Variants in ADAMTS7 observed in about 807,000 individuals in gnomAD.
ADAMTS7 encodes the protein A disintegrin and metalloproteinase with thrombospondin motifs 7.
A neutral mutation model predicts 172.6 loss-of-function variants in ADAMTS7; 89 were observed. The observed-to-expected ratio is 0.52, with a 90% CI of 0.43 to 0.61. The LOEUF (loss-of-function observed/expected upper bound fraction) is 0.61, where lower values mean the gene tolerates loss of function less well. Ranked by LOEUF, ADAMTS7 falls within the 20% of genes least tolerant of loss-of-function variation. The probability of loss-of-function intolerance (pLI) is 0.00; values close to 1 mark genes in which losing one functional copy is unlikely to be tolerated. For missense variants in ADAMTS7, 1,973 were observed against 2,355.6 expected (o/e 0.84, Z 3.36); for synonymous variants, 885 against 978.4 (o/e 0.90, Z 1.78).
chr15:78,787,718 A>C (rs1567229257), intron 8 of ADAMTS7, among the ~76,000 whole-genome samples: 1 of 151,984 alleles, frequency 6.6e-6, no homozygotes, highest in East Asian at 1.9e-4. Context: ...AGAGAACATG[A>C]AAAAAAAGGA....
rs145894992 is a variant in ADAMTS7, at chr15:78,774,769, A to G, written c.1731T>C (p.Cys577=). The G allele has an allele frequency of 2.9e-4, 470 of 1,609,530 alleles. 1 individual carries two copies. In the African/African-American group the frequency reaches 5.1e-3, roughly 17 times the overall value. ...QPTPKYKGRY[C]VGERKRFRLC... is the part of the protein sequence containing the mutation. ...GGCGGAAGCGCTTGCGCTCACCCAC[A>G]CAGTATCTGCCTTTGTATTTGGGCC... Residue 577 remains cysteine (C), a synonymous_variant, in exon 12 of 24, where the codon TGT becomes TGC. Coordinates refer to ENST00000388820, the MANE Select transcript of ADAMTS7 (RefSeq NM_014272.5).
intron 20 of ADAMTS7, 62 bp downstream of exon 20, chr15:78,764,493 T>TG (rs2055106505): frequency 6.7e-7 from 1 of 1,502,938 alleles, no homozygotes; most frequent in African/African-American, 1.4e-5. Context: ...ACACAGGCCG[T>TG]GGGGAACCAG....
At chr15:78,799,674 A>C (rs1352550717) in intron 2 of ADAMTS7, among the ~76,000 whole-genome samples, 1 of 151,988 alleles carries the variant, frequency 6.6e-6, no homozygotes, top group African/African-American at 2.4e-5. Context: ...GGAGGTTCTC[A>C]AAATGGGATC....
At chr15:78,780,708 C>A (rs1482700268) in intron 8 of ADAMTS7, among the ~76,000 whole-genome samples, 2 of 152,198 alleles carry the variant, frequency 1.3e-5, no homozygotes, top group African/African-American at 2.4e-5. Flanking sequence ...GGTTCTTCTG[C>A]CCCACCCTAT....
chr15:78,803,104 GTAATCCCAGAACTT>G (rs1263684581), intron 1 of ADAMTS7, among the ~76,000 whole-genome samples: 38 of 152,170 alleles, frequency 2.5e-4, no homozygotes, highest in Non-Finnish European at 7.4e-5. Context: ...GTTCATACCT[GTAATCCCAGAACTT>G]TGGGAGAATG....
intron 1 of ADAMTS7, among the ~76,000 whole-genome samples, chr15:78,809,821 G>A (rs1466028732): frequency 2.6e-5 from 4 of 152,202 alleles, no homozygotes; most frequent in African/African-American, 9.7e-5. Context: ...TCTACTCTGA[G>A]CCTGTTTGCT....
chr15:78,766,927 C>T lies in ADAMTS7; in HGVS notation c.2984G>A (p.Arg995Gln), dbSNP rs747763797. ...AGGGCCCAGTGTGCCCAGGGGCCAC[C>T]GACAGAGTGGCAGAGAGCAGGTGAC... is the stretch of plus-strand genomic sequence containing the variant. ...SEVTCSLPLC[R>Q]WPLGTLGPEG... is the part of the protein sequence containing the mutation. Residue 995 changes from arginine to glutamine, a missense_variant, in exon 19 of 24, where the codon CGG becomes CAG. Coordinates refer to ENST00000388820, the MANE Select transcript of ADAMTS7 (RefSeq NM_014272.5). The T allele has an allele frequency of 1.7e-5, 28 of 1,610,630 alleles. No homozygotes were observed. The highest frequency in any genetic ancestry group is 2.2e-4 in the Middle Eastern group (1 of 4,626).
chr15:78,772,462 C>T (rs2055267030), intron 14 of ADAMTS7, among the ~76,000 whole-genome samples: 1 of 152,244 alleles, frequency 6.6e-6, no homozygotes, highest in South Asian at 2.1e-4. Flanking sequence ...CATAGCTGGC[C>T]CTGCCTTCCC....
intron 11 of ADAMTS7, 109 bp downstream of exon 11, chr15:78,776,079 G>C: frequency 7.2e-7 from 1 of 1,392,362 alleles, no homozygotes; most frequent in Non-Finnish European, 9.5e-7. Context: ...ACCATTATCA[G>C]GACACTTCTA....
At position 78,788,287 on chromosome 15, in the gene ADAMTS7, G is replaced by A. The variant is rs767090976; in HGVS notation, c.1266C>T (p.Asp422=). Residue 422 remains aspartate (D), a synonymous_variant, in exon 8 of 24, where the codon GAC becomes GAT. Transcript: ENST00000388820. Reference sequence around the variant, plus strand: ...AGCGGGACCAGGTGAGGGGAGCGGCGTCGTACAGGAGCTGTGGAGACATGA... The same window carrying A: ...AGCGGGACCAGGTGAGGGGAGCGGCATCGTACAGGAGCTGTGGAGACATGA... ...PFIMSPQLLY[D]AAPLTWSRCS... is the part of the protein sequence containing the mutation. 22 of 1,613,804 alleles carry A rather than the reference G, an allele frequency of 1.4e-5. No individual in the cohort carries two copies. Among genetic ancestry groups the A allele is most frequent in the East Asian group, 1.3e-4 (6 of 44,884 alleles).
intron 23 of ADAMTS7, among the ~76,000 whole-genome samples, chr15:78,761,131 G>A (rs528265720): frequency 6.6e-6 from 1 of 152,374 alleles, no homozygotes; most frequent in East Asian, 1.9e-4. Flanking sequence ...GCTGCCACTG[G>A]GCCTTGAGGT....
chr15:78,785,207 C>G (rs569484651), intron 8 of ADAMTS7, among the ~76,000 whole-genome samples: 3 of 152,098 alleles, frequency 2.0e-5, no homozygotes, highest in South Asian at 4.2e-4. Context: ...ATCTGGAAGG[C>G]CTGGAGAAGC....
At chr15:78,773,061 C>T in intron 14 of ADAMTS7, 22 bp downstream of exon 14, 1 of 1,460,990 alleles carries the variant, frequency 6.8e-7, no homozygotes, top group Non-Finnish European at 9.4e-7. Flanking sequence ...ATACCCCTCC[C>T]CACAGCGGTC....
Position 78,800,293 on chromosome 15 carries a change from C to G in ADAMTS7, c.355G>C (p.Ala119Pro). The change falls in exon 2 of 24, where the codon GCG becomes CCG. Residue 119 changes from alanine to proline, a missense_variant. By Grantham distance (27) the Ala-to-Pro change is conservative (BLOSUM62 -1). This residue lies in a region of ADAMTS7 where 306 missense variants were observed against 288.0 expected (regional missense o/e 1.06). Coordinates refer to ENST00000388820, the MANE Select transcript of ADAMTS7 (RefSeq NM_014272.5). ...GCCGGGGTGTGGGCCCGGATGTGCG[C>G]GCGGCCCAGGCCGCCGCGCCGCCGC... ...ETRRRGGLGR[A>P]HIRAHTPACH... 1.3e-6 allele frequency: 2 copies of G among 1,591,534 alleles called. No individual in the cohort carries two copies. The highest frequency in any genetic ancestry group is 1.7e-6 in the Non-Finnish European group (2 of 1,174,288).
At chr15:78,797,814 G>T in intron 3 of ADAMTS7, 134 bp downstream of exon 3, 2 of 1,032,102 alleles carry the variant, frequency 1.9e-6, no homozygotes, top group Non-Finnish European at 2.8e-6. Context: ...CTATGGTAAA[G>T]TATCCATCTG....
intron 4 of ADAMTS7, among the ~76,000 whole-genome samples, 196 bp from the exon 5 acceptor site, chr15:78,791,419 C>T (rs1463015281): frequency 2.0e-5 from 3 of 152,174 alleles, no homozygotes; most frequent in Non-Finnish European, 2.9e-5. Flanking sequence ...CCACACCTCA[C>T]ACACACTGCC....
At position 78,762,693 on chromosome 15, in the gene ADAMTS7, C is replaced by T. The variant is rs556406034; in HGVS notation, c.4741-128G>A. The T allele has an allele frequency of 3.3e-4, 223 of 681,498 alleles. 2 individuals are homozygous for T. The African/African-American group carries it at 3.8e-3, about 12-fold the overall frequency. 42.2% of individuals were successfully genotyped at this position (681,498 alleles called of 1,614,324 possible). A position where few individuals can be genotyped will look rare whatever the true frequency, so the allele number is the denominator to read the frequency against. ...GGCCTGGCCTTGCTCCCAGCCGCCC[C>T]CTCAGTGCCTCCTGGAGCACCTGGT... On this transcript the variant is annotated intron_variant, in intron 22 of 23. Coordinates refer to ENST00000388820, the MANE Select transcript of ADAMTS7 (RefSeq NM_014272.5).
At chr15:78,794,538 AGT>A (rs1362481422) in intron 4 of ADAMTS7, among the ~76,000 whole-genome samples, 1 of 152,164 alleles carries the variant, frequency 6.6e-6, no homozygotes, top group Non-Finnish European at 1.5e-5. Flanking sequence ...AGAGCAGGTG[AGT>A]GTGAGAACCA....
chr15:78,778,646 T>C lies in ADAMTS7; in HGVS notation c.1323-1058A>G, dbSNP rs369336155. Among the ~76,000 whole-genome samples the C allele has an allele frequency of 4.1e-4, 62 of 151,504 alleles. No individual in the cohort carries two copies. The East Asian group carries it at 7.4e-3, about 18-fold the overall frequency. On this transcript the variant is annotated intron_variant, in intron 8 of 23. Coordinates refer to ENST00000388820, the MANE Select transcript of ADAMTS7 (RefSeq NM_014272.5). ...GCAGCCACGACTTGGGCAGAAACAA[T>C]GGAGGGAGGCAGGACCCGCGGGACC...
Sources: allele counts gnomAD v4.1 joint callset (sites outside exome capture counted in the v4.1 genomes callset), GRCh38; gene constraint gnomAD v4.1.1; regional missense constraint gnomAD v4.1.1; transcripts MANE v1.5; gene names NCBI Gene and HGNC (gene_info 2026-07-23, HGNC 2026-07-21).